Variants in MMP26 observed in about 807,000 individuals in gnomAD.
The protein encoded by MMP26 is matrix metalloproteinase-26.
MMP26 carries 33 observed loss-of-function variants against 31.0 expected under a neutral mutation model. The observed-to-expected ratio is 1.06, with a 90% CI of 0.81 to 1.42. MMP26 has a LOEUF of 1.42. Among genes scored for constraint, MMP26 ranks in the 40% most tolerant of loss-of-function variants. MMP26 has a pLI of 0.00. For synonymous variants in MMP26, 122 were observed against 114.9 expected (o/e 1.06, Z -0.40); for missense variants, 347 against 316.1 (o/e 1.10, Z -0.74).
intron 1 of MMP26, among the ~76,000 whole-genome samples, chr11:4,761,303 C>T (rs1201659368): frequency 6.6e-6 from 1 of 152,170 alleles, no homozygotes; most frequent in African/African-American, 2.4e-5. Context: ...ACAATTAAGT[C>T]CTGTTTCTGA....
At chr11:4,790,150 G>T (rs748489220) in intron 2 of MMP26, among the ~76,000 whole-genome samples, 1 of 152,004 alleles carries the variant, frequency 6.6e-6, no homozygotes, top group Non-Finnish European at 1.5e-5. Context: ...GACCATCCTG[G>T]CTAACATAGT....
chr11:4,961,450 A>G (rs765510137), intron 2 of MMP26, among the ~76,000 whole-genome samples: 50 of 152,154 alleles, frequency 3.3e-4, no homozygotes, highest in Admixed American at 5.2e-4. Flanking sequence ...TCACGGACAC[A>G]TCCAAAATAA....
In MMP26 at chr11:4,990,679, G is replaced by T. The variant is rs1414317313; in HGVS notation, c.402G>T (p.Val134=). ...ATGCAGTTTCCATCTGGAGCAATGTGACCCCTTTGATATTCCAGCAAGTGC... is the reference window on the plus strand; with the variant it reads ...ATGCAGTTTCCATCTGGAGCAATGTTACCCCTTTGATATTCCAGCAAGTGC... ...IYNAVSIWSN[V]TPLIFQQVQN... Residue 134 remains valine, a synonymous_variant, in exon 5 of 8, where the codon GTG becomes GTT. Coordinates refer to ENST00000380390, the MANE Select transcript of MMP26 (RefSeq NM_021801.5). 1 of 1,613,992 alleles carries T rather than the reference G, an allele frequency of 6.2e-7. No homozygotes were observed. Among genetic ancestry groups the T allele is most frequent in the East Asian group, 2.2e-5 (1 of 44,872 alleles).
chr11:4,783,188 T>C (rs1848888549), intron 2 of MMP26, among the ~76,000 whole-genome samples: 1 of 152,184 alleles, frequency 6.6e-6, no homozygotes, highest in Non-Finnish European at 1.5e-5. Flanking sequence ...AACACCAGCC[T>C]GTGAAAGCAA....
chr11:4,848,434 A>T, intron 2 of MMP26: 1 of 1,614,070 alleles, frequency 6.2e-7, no homozygotes, highest in African/African-American at 1.3e-5. Flanking sequence ...ATAGGGATAT[A>T]GAAGAGGAGC....
At chr11:4,828,444 A>G (rs1849606131) in intron 2 of MMP26, among the ~76,000 whole-genome samples, 1 of 152,210 alleles carries the variant, frequency 6.6e-6, no homozygotes, top group African/African-American at 2.4e-5. Flanking sequence ...ATAATAGGTC[A>G]TCAAGAAATA....
chr11:4,955,551 G>C, intron 2 of MMP26: 1 of 1,353,170 alleles, frequency 7.4e-7, no homozygotes, highest in Middle Eastern at 2.0e-4. Flanking sequence ...TGCAAGGAGG[G>C]CTCTGTCTTG....
rs567011453 is a variant in MMP26, at chr11:4,732,422, A to G, written c.-217+27377A>G. On this transcript the variant is annotated intron_variant, in intron 1 of 7. Transcript: ENST00000380390. ...TAGTTTTTTGTGATACAATTCACATACATACAATTCATTCATTTAAAATGT... is the reference window on the plus strand; with the variant it reads ...TAGTTTTTTGTGATACAATTCACATGCATACAATTCATTCATTTAAAATGT... 2.6e-5 allele frequency among the ~76,000 whole-genome samples: 4 copies of G among 152,218 alleles called. No individual in the cohort carries two copies. The South Asian group carries it at 8.3e-4, about 32-fold the overall frequency.
chr11:4,873,990 C>T (rs1054536548), intron 2 of MMP26, among the ~76,000 whole-genome samples: 1 of 152,016 alleles, frequency 6.6e-6, no homozygotes, highest in African/African-American at 2.4e-5. Flanking sequence ...TAAAGAGAGA[C>T]ACTTATTATA....
At chr11:4,918,607 C>T (rs546225681) in intron 2 of MMP26, among the ~76,000 whole-genome samples, 9 of 152,252 alleles carry the variant, frequency 5.9e-5, no homozygotes, top group South Asian at 4.2e-4. Flanking sequence ...TTAAAATCCT[C>T]GCAGAACCCA....
chr11:4,738,530 C>G (rs952193496), intron 1 of MMP26, among the ~76,000 whole-genome samples: 2 of 152,098 alleles, frequency 1.3e-5, no homozygotes, highest in African/African-American at 2.4e-5. Context: ...AAAAAAACTT[C>G]CAGATTTTAT....
At chr11:4,801,862 C>A (rs1056161778) in intron 2 of MMP26, among the ~76,000 whole-genome samples, 1 of 151,906 alleles carries the variant, frequency 6.6e-6, no homozygotes, top group African/African-American at 2.4e-5. Context: ...ATAACCGGAT[C>A]TCGCATGATC....
intron 2 of MMP26, among the ~76,000 whole-genome samples, chr11:4,986,208 T>C (rs1263884374): frequency 6.6e-6 from 1 of 152,210 alleles, no homozygotes; most frequent in African/African-American, 2.4e-5. Context: ...CTCATTTTTT[T>C]TAACCTATAA....
intron 2 of MMP26, among the ~76,000 whole-genome samples, chr11:4,804,795 ACAAAACAAAAC>A (rs1849242395): frequency 1.4e-5 from 2 of 145,646 alleles, no homozygotes; most frequent in South Asian, 2.2e-4. Flanking sequence ...AAATACAAAA[ACAAAACAAAAC>A]AAAAAAAAAC....
chr11:4,821,961 C>G (rs1198508646), intron 2 of MMP26: 3 of 1,614,040 alleles, frequency 1.9e-6, no homozygotes, highest in South Asian at 1.1e-5. Flanking sequence ...CACATTCTTA[C>G]TGCTACCATG....
chr11:4,945,124 A>G (rs1255921672), intron 2 of MMP26: 1 of 152,174 alleles, frequency 6.6e-6, no homozygotes, highest in African/African-American at 2.4e-5. Flanking sequence ...AATAAAGAAT[A>G]AACCAGCAAT....
intron 2 of MMP26, among the ~76,000 whole-genome samples, chr11:4,939,687 C>T (rs1206684315): frequency 2.0e-5 from 3 of 152,104 alleles, no homozygotes; most frequent in African/African-American, 7.2e-5. Flanking sequence ...CTTATGGGGT[C>T]TATTGGCTGC....
At chr11:4,908,624 T>A (rs560702827) in intron 2 of MMP26, 1 of 389,374 alleles carries the variant, frequency 2.6e-6, no homozygotes, top group East Asian at 5.9e-5. Flanking sequence ...ACCATTCAGT[T>A]AGTATCTATT....
chr11:4,963,378 A>G (rs1846547382), intron 2 of MMP26, among the ~76,000 whole-genome samples: 1 of 152,214 alleles, frequency 6.6e-6, no homozygotes, highest in African/African-American at 2.4e-5. Flanking sequence ...GAGTTAGAAA[A>G]AACTACTTTA....
Sources: allele counts gnomAD v4.1 joint callset (sites outside exome capture counted in the v4.1 genomes callset), GRCh38; gene constraint gnomAD v4.1.1; transcripts MANE v1.5; gene names NCBI Gene and HGNC (gene_info 2026-07-23, HGNC 2026-07-21).